The following RPS6KC1 variants were observed in gnomAD, a reference collection of about 807,000 sequenced individuals.
The protein encoded by RPS6KC1 is inactive ribosomal protein S6 kinase delta-1.
A neutral mutation model predicts 103.8 loss-of-function variants in RPS6KC1; 54 were observed. That is an observed-to-expected ratio of 0.52 (90% CI 0.42 to 0.65). The LOEUF (loss-of-function observed/expected upper bound fraction) is 0.65. RPS6KC1 is among the 30% of genes least tolerant of loss of function. The probability of loss-of-function intolerance (pLI) is 0.00; values close to 1 mark genes in which losing one functional copy is unlikely to be tolerated. For missense variants in RPS6KC1, 1,151 were observed against 1,253.8 expected, an observed-to-expected ratio of 0.92 and a Z score of 1.24; for synonymous variants, 439 against 438.7, an observed-to-expected ratio of 1.00 and a Z score of -0.01.
intron 8 of RPS6KC1, among the ~76,000 whole-genome samples, chr1:213,201,251 T>G (rs1296145593): frequency 1.3e-5 from 2 of 152,212 alleles, no homozygotes; most frequent in Admixed American, 6.5e-5. Context: ...TGTGGTACAT[T>G]TAGACAATGG....
the RPS6KC1 span, among the ~76,000 whole-genome samples, chr1:213,406,673 C>G: frequency 0.046 from 6,985 of 152,270 alleles, 577 homozygotes; most frequent in African/African-American, 0.16. Context: ...TAAAAACAAA[C>G]AGCCAGCAAC....
chr1:213,394,117 A>G, the RPS6KC1 span, among the ~76,000 whole-genome samples: 5 of 152,076 alleles, frequency 3.3e-5, no homozygotes, highest in Non-Finnish European at 7.4e-5. Context: ...AGCTTAGCTG[A>G]GTGCAGAGTC....
At position 213,051,442 on chromosome 1, in the gene RPS6KC1, G is replaced by A; in HGVS notation, c.38G>A (p.Arg13His). 6.2e-7 allele frequency: 1 copy of A among 1,613,604 alleles called. No individual in the cohort carries two copies. Among genetic ancestry groups the A allele is most frequent in the African/African-American group, 1.3e-5 (1 of 75,008 alleles). The change falls in exon 1 of 15, where the codon CGT (arginine) becomes CAT (histidine). Residue 13 changes from arginine to histidine, a missense_variant. This residue lies in a region of RPS6KC1 where 959 missense variants were observed against 1,006.3 expected (regional missense o/e 0.95). Coordinates refer to ENST00000366960, the MANE Select transcript of RPS6KC1 (RefSeq NM_012424.6). ...CGGGAGCGGAGTGCCGACCTGGCCC[G>A]TTTCTACACTGTCACCGAGCCCCAG... ...SYRERSADLARFYTVTEPQRH... is the reference protein window; with the variant it reads ...SYRERSADLAHFYTVTEPQRH...
At chr1:213,485,144 G>A in the RPS6KC1 span, among the ~76,000 whole-genome samples, 2 of 152,184 alleles carry the variant, frequency 1.3e-5, no homozygotes, top group African/African-American at 4.8e-5. Context: ...GGGCTTACAA[G>A]TGTGAGCCGC....
In RPS6KC1 at chr1:213,195,680, A is replaced by G. The variant is rs543667140; in HGVS notation, c.1044+19188A>G. Reference sequence around the variant, plus strand: ...TTATACTGTTGCGTCTTCATAACTTAGCTCCTACTTATAAGTGAGAACGTA... The same window carrying G: ...TTATACTGTTGCGTCTTCATAACTTGGCTCCTACTTATAAGTGAGAACGTA... On this transcript the variant is annotated intron_variant, in intron 8 of 14. Coordinates refer to ENST00000366960, the MANE Select transcript of RPS6KC1 (RefSeq NM_012424.6). 2.6e-5 allele frequency among the ~76,000 whole-genome samples: 4 copies of G among 152,244 alleles called. No homozygotes were observed. The South Asian group carries it at 8.3e-4, about 32-fold the overall frequency.
At chr1:213,486,112 A>G in the RPS6KC1 span, among the ~76,000 whole-genome samples, 1 of 152,172 alleles carries the variant, frequency 6.6e-6, no homozygotes, top group Non-Finnish European at 1.5e-5. Flanking sequence ...CACACAACAC[A>G]GTGGTTTCAA....
chr1:213,438,516 T>C, the RPS6KC1 span, among the ~76,000 whole-genome samples: 1 of 152,200 alleles, frequency 6.6e-6, no homozygotes, highest in African/African-American at 2.4e-5. Flanking sequence ...GTTGGTTAAT[T>C]TCTAGTTTCC....
At chr1:213,095,324 A>T (rs933825513) in intron 3 of RPS6KC1, among the ~76,000 whole-genome samples, 9 of 152,234 alleles carry the variant, frequency 5.9e-5, no homozygotes, top group African/African-American at 2.2e-4. Context: ...GCTTTTCTAG[A>T]TAATTTCATA....
At chr1:213,734,527 A>C in the RPS6KC1 span, among the ~76,000 whole-genome samples, 5 of 152,144 alleles carry the variant, frequency 3.3e-5, no homozygotes, top group African/African-American at 1.2e-4. Flanking sequence ...GTGTGAGTGC[A>C]TGTGTGAATG....
chr1:213,521,784 C>T, the RPS6KC1 span, among the ~76,000 whole-genome samples: 1 of 152,206 alleles, frequency 6.6e-6, no homozygotes. Context: ...CAAACTTTAT[C>T]ATAAAATTTT....
the RPS6KC1 span, among the ~76,000 whole-genome samples, chr1:213,558,630 A>C: frequency 6.6e-6 from 1 of 152,212 alleles, no homozygotes; most frequent in Non-Finnish European, 1.5e-5. Context: ...GCACTGTTAA[A>C]ATAAGTTTAG....
chr1:213,745,332 G>A, the RPS6KC1 span, among the ~76,000 whole-genome samples: 11 of 149,860 alleles, frequency 7.3e-5, no homozygotes, highest in Admixed American at 3.3e-4. Context: ...GAAGAAAAAT[G>A]TCAGGCTTGA....
the RPS6KC1 span, among the ~76,000 whole-genome samples, chr1:213,691,686 T>C: frequency 2.3e-4 from 35 of 152,292 alleles, no homozygotes; most frequent in Non-Finnish European, 3.7e-4. Flanking sequence ...GGGAACAACA[T>C]AGCACTGGGG....
At chr1:213,072,038 T>C (rs1436133062) in intron 2 of RPS6KC1, among the ~76,000 whole-genome samples, 1 of 152,196 alleles carries the variant, frequency 6.6e-6, no homozygotes, top group Non-Finnish European at 1.5e-5. Context: ...CCCTGCTCAA[T>C]TTCACTAAGA....
the RPS6KC1 span, among the ~76,000 whole-genome samples, chr1:213,594,688 T>C: frequency 6.6e-6 from 1 of 152,180 alleles, no homozygotes; most frequent in Non-Finnish European, 1.5e-5. Context: ...TGAATGCTGT[T>C]CTAAGTCCTC....
the RPS6KC1 span, among the ~76,000 whole-genome samples, chr1:213,281,122 G>C: frequency 6.6e-6 from 1 of 152,056 alleles, no homozygotes; most frequent in Non-Finnish European, 1.5e-5. Flanking sequence ...AGGCCAGTTT[G>C]ATCCTAGGAG....
chr1:213,702,157 A>AT, the RPS6KC1 span, among the ~76,000 whole-genome samples: 1 of 151,404 alleles, frequency 6.6e-6, no homozygotes, highest in Admixed American at 6.6e-5. Context: ...TTTCTTTTTA[A>AT]TTTTTTTCAT....
the RPS6KC1 span, among the ~76,000 whole-genome samples, chr1:213,628,842 C>A: frequency 6.6e-6 from 1 of 152,044 alleles, no homozygotes; most frequent in East Asian, 1.9e-4. Flanking sequence ...CGTTATGTAC[C>A]CAGCAGTCAT....
At chr1:213,239,129 TA>T (rs1231093064) in intron 10 of RPS6KC1, among the ~76,000 whole-genome samples, 1 of 152,074 alleles carries the variant, frequency 6.6e-6, no homozygotes, top group Non-Finnish European at 1.5e-5. Flanking sequence ...AGGAAAAAGT[TA>T]AATGCCATAA....
Sources: gnomAD v4.1 joint callset for allele counts (sites outside exome capture counted in the v4.1 genomes callset) on GRCh38, gnomAD v4.1.1 for gene constraint, gnomAD v4.1.1 regional missense constraint, MANE v1.5 for transcripts, NCBI Gene and HGNC (gene_info 2026-07-23, HGNC 2026-07-21) for gene names.